PTPRT: variants seen among roughly 807,000 people sequenced by gnomAD.
PTPRT encodes the protein receptor-type tyrosine-protein phosphatase T.
In PTPRT, 56 loss-of-function variants were observed where a neutral mutation model predicts 176.8. The observed-to-expected ratio is 0.32, with a 90% CI of 0.26 to 0.40. The LOEUF is 0.40. Among genes scored for constraint, PTPRT ranks in the 10% least tolerant of loss-of-function variants. PTPRT has a pLI of 1.00. For synonymous variants in PTPRT, 783 were observed against 739.0 expected, an observed-to-expected ratio of 1.06 and a Z score of -0.96; for missense variants, 1,540 against 1,908.2, an observed-to-expected ratio of 0.81 and a Z score of 3.60.
intron 7 of PTPRT, among the ~76,000 whole-genome samples, chr20:42,533,099 A>C (rs1441537516): frequency 6.6e-6 from 1 of 152,196 alleles, no homozygotes; most frequent in Non-Finnish European, 1.5e-5. Flanking sequence ...TCCCTCCGCC[A>C]GGTTGCCCTG....
chr20:42,279,089 A>G (rs1184776982), intron 13 of PTPRT, among the ~76,000 whole-genome samples: 3 of 152,104 alleles, frequency 2.0e-5, no homozygotes, highest in Non-Finnish European at 2.9e-5. Context: ...AGTCTGAATA[A>G]TAGTTTTAAA....
intron 9 of PTPRT, among the ~76,000 whole-genome samples, chr20:42,393,952 C>T (rs1412802239): frequency 1.3e-5 from 2 of 151,764 alleles, no homozygotes; most frequent in African/African-American, 4.8e-5. Context: ...TTCCCGAATA[C>T]AACCTGCAAG....
chr20:42,504,436 G>T (rs568724515), intron 7 of PTPRT, among the ~76,000 whole-genome samples: 1 of 152,062 alleles, frequency 6.6e-6, no homozygotes, highest in Non-Finnish European at 1.5e-5. Flanking sequence ...GTGCATACAG[G>T]TTTAGAATTG....
intron 12 of PTPRT, among the ~76,000 whole-genome samples, chr20:42,289,209 G>A (rs918868957): frequency 6.6e-6 from 1 of 152,000 alleles, no homozygotes; most frequent in Admixed American, 6.6e-5. Flanking sequence ...CTGGGCATTG[G>A]CCTAAGCAAA....
At chr20:42,886,632 T>G (rs554662330) in intron 1 of PTPRT, among the ~76,000 whole-genome samples, 1 of 152,316 alleles carries the variant, frequency 6.6e-6, no homozygotes, top group Non-Finnish European at 1.5e-5. Context: ...TGTTTAAAGC[T>G]TCTCCCTTTA....
intron 7 of PTPRT, among the ~76,000 whole-genome samples, chr20:42,499,792 A>G (rs6072765): frequency 6.6e-6 from 1 of 152,186 alleles, no homozygotes; most frequent in African/African-American, 2.4e-5. Flanking sequence ...TAACCCTTGT[A>G]TAAGTGGATG....
chr20:42,770,488 T>C (rs2077046794), intron 5 of PTPRT, among the ~76,000 whole-genome samples: 1 of 152,148 alleles, frequency 6.6e-6, no homozygotes, highest in Non-Finnish European at 1.5e-5. Context: ...TAACCCCCAC[T>C]CAAAGAGATC....
At chr20:42,541,303 G>T (rs1258113395) in intron 7 of PTPRT, among the ~76,000 whole-genome samples, 1 of 151,932 alleles carries the variant, frequency 6.6e-6, no homozygotes, top group Admixed American at 6.6e-5. Flanking sequence ...GAAGGTGGGT[G>T]TTGGGGGTAG....
At chr20:42,204,991 A>C in intron 15 of PTPRT, among the ~76,000 whole-genome samples, 1 of 122,846 alleles carries the variant, frequency 8.1e-6, no homozygotes, top group South Asian at 2.6e-4. Flanking sequence ...TTTTTTTATT[A>C]TACTTTTAGT....
rs574689922 is a variant in PTPRT at position 42,195,339 on chromosome 20, T to C, written c.2491+3901A>G. Reference sequence around the variant, plus strand: ...TCAATGCTGCCTCAACATTTGTACATAATCTCAGGGCCTCCTAAAGACACC... The same window carrying C: ...TCAATGCTGCCTCAACATTTGTACACAATCTCAGGGCCTCCTAAAGACACC... On this transcript the variant is annotated intron_variant, in intron 16 of 30. Transcript: ENST00000373187. 2.0e-5 allele frequency among the ~76,000 whole-genome samples: 3 copies of C among 152,302 alleles called. No individual in the cohort carries two copies. The South Asian group carries it at 6.2e-4, about 32-fold the overall frequency.
intron 19 of PTPRT, among the ~76,000 whole-genome samples, chr20:42,123,019 G>A (rs1306808375): frequency 6.6e-6 from 1 of 152,158 alleles, no homozygotes; most frequent in Non-Finnish European, 1.5e-5. Flanking sequence ...GCAATTCCAT[G>A]TGCTGCAGTA....
At chr20:42,664,574 T>C (rs949161370) in intron 7 of PTPRT, among the ~76,000 whole-genome samples, 1 of 152,216 alleles carries the variant, frequency 6.6e-6, no homozygotes, top group Non-Finnish European at 1.5e-5. Context: ...TTTTACAAAG[T>C]ATCTTACCAT....
In PTPRT at chr20:42,080,788, A is replaced by G. The variant is rs1983245334; in HGVS notation, c.*91T>C. 1.5e-6 allele frequency: 2 copies of G among 1,337,446 alleles called. No homozygotes were observed. The highest frequency in any genetic ancestry group is 2.1e-6 in the Non-Finnish European group (2 of 938,706). The allele number at this position is 1,337,446 out of a possible 1,614,324, so 82.8% of individuals were successfully genotyped here. A position where few individuals can be genotyped will look rare whatever the true frequency, so the allele number is the denominator to read the frequency against. ...TTGGAGTCAGGCAGGGTGCCACCTC[A>G]GAGCTCCTGAGCCCAGTTACTGCCA... is the stretch of plus-strand genomic sequence containing the variant. On this transcript the variant is annotated 3_prime_UTR_variant, in exon 31 of 31. Coordinates refer to ENST00000373187, the MANE Select transcript of PTPRT (RefSeq NM_007050.6).
intron 12 of PTPRT, among the ~76,000 whole-genome samples, chr20:42,283,941 G>C (rs757057770): frequency 6.6e-6 from 1 of 151,908 alleles, no homozygotes; most frequent in Admixed American, 6.6e-5. Context: ...CATAGTTATC[G>C]CCAATAGTCT....
Position 42,315,881 on chromosome 20 carries a change from G to T in PTPRT, c.1981C>A (p.Leu661Ile). 1.2e-6 allele frequency: 2 copies of T among 1,614,162 alleles called. No individual in the cohort carries two copies. The highest frequency in any genetic ancestry group is 1.7e-6 in the Non-Finnish European group (2 of 1,180,030). The change falls in exon 12 of 31, where the codon CTA becomes ATA. Residue 661 changes from leucine (L) to isoleucine (I), a missense_variant. Leu to Ile is a conservative substitution (Grantham distance 5, BLOSUM62 2). Coordinates refer to ENST00000373187, the MANE Select transcript of PTPRT (RefSeq NM_007050.6). ...TTCAACTCAGCAGCAAAGTAGTGTAGAGAATCGAGGCTGGAGGCATTCCGA... is the reference window on the plus strand; with the variant it reads ...TTCAACTCAGCAGCAAAGTAGTGTATAGAATCGAGGCTGGAGGCATTCCGA... ...SYRNASSLDS[L>I]HYFAAELKPA...
intron 17 of PTPRT, among the ~76,000 whole-genome samples, chr20:42,147,026 T>C (rs988598767): frequency 1.3e-5 from 2 of 152,146 alleles, no homozygotes; most frequent in African/African-American, 4.8e-5. Flanking sequence ...CCCCACTGCA[T>C]CCCCAGGTAA....
chr20:42,432,892 C>T (rs1289021369), intron 9 of PTPRT, among the ~76,000 whole-genome samples: 1 of 152,198 alleles, frequency 6.6e-6, no homozygotes, highest in Non-Finnish European at 1.5e-5. Context: ...CACCCTAAAA[C>T]TATAATCCGA....
intron 15 of PTPRT, among the ~76,000 whole-genome samples, chr20:42,202,529 A>G (rs964796716): frequency 6.6e-6 from 1 of 152,220 alleles, no homozygotes; most frequent in African/African-American, 2.4e-5. Context: ...AATGCCAACG[A>G]AAGAAAAATG....
chr20:42,815,839 T>C (rs1489396086), intron 2 of PTPRT, among the ~76,000 whole-genome samples: 2 of 152,232 alleles, frequency 1.3e-5, no homozygotes, highest in African/African-American at 2.4e-5. Flanking sequence ...TCAAAAATTG[T>C]ATACCCAGCA....
Sources: gnomAD v4.1 joint callset for allele counts (sites outside exome capture counted in the v4.1 genomes callset) on GRCh38, gnomAD v4.1.1 for gene constraint, MANE v1.5 for transcripts, NCBI Gene and HGNC (gene_info 2026-07-23, HGNC 2026-07-21) for gene names.